The following MAST4 variants were observed in gnomAD, a reference collection of about 807,000 sequenced individuals.
MAST4 encodes microtubule-associated serine/threonine-protein kinase 4.
In MAST4, 89 loss-of-function variants were observed where a neutral mutation model predicts 162.7. The ratio of observed to expected loss-of-function variants is 0.55; its 90% CI spans 0.46 to 0.65. MAST4 has a LOEUF of 0.65. MAST4 is among the 30% of genes least tolerant of loss of function. The probability of loss-of-function intolerance (pLI) is 0.00; values close to 1 mark genes in which losing one functional copy is unlikely to be tolerated. For missense variants in MAST4, 3,153 were observed against 3,374.0 expected, an observed-to-expected ratio of 0.93 and a Z score of 1.62; for synonymous variants, 1,479 against 1,361.1, an observed-to-expected ratio of 1.09 and a Z score of -1.91.
chr5:66,905,693 A>G (rs1296963609), intron 4 of MAST4, among the ~76,000 whole-genome samples: 1 of 152,168 alleles, frequency 6.6e-6, no homozygotes, highest in Non-Finnish European at 1.5e-5. Flanking sequence ...TAAGACACCA[A>G]TTGATACATG....
chr5:66,819,975 T>C (rs1756917096), intron 3 of MAST4, among the ~76,000 whole-genome samples: 1 of 151,026 alleles, frequency 6.6e-6, no homozygotes, highest in Non-Finnish European at 1.5e-5. Flanking sequence ...TTTTTTTTTT[T>C]TTTTTGTAGA....
At chr5:67,127,066 T>G (rs930807494) in intron 14 of MAST4, among the ~76,000 whole-genome samples, 4 of 151,596 alleles carry the variant, frequency 2.6e-5, no homozygotes, top group African/African-American at 9.7e-5. Flanking sequence ...GTGTATAGGA[T>G]TTTTGCACAT....
At chr5:67,104,642 CT>C in intron 10 of MAST4, 67 bp downstream of exon 10, 2 of 1,286,584 alleles carry the variant, frequency 1.6e-6, no homozygotes, top group Non-Finnish European at 1.1e-6. Flanking sequence ...TTTTTTTTTG[CT>C]TACAAGTTAT....
intron 5 of MAST4, among the ~76,000 whole-genome samples, chr5:67,077,643 G>A (rs1350604357): frequency 6.6e-6 from 1 of 152,142 alleles, no homozygotes; most frequent in Non-Finnish European, 1.5e-5. Flanking sequence ...ACTTAAGTGT[G>A]TCTTGCTTAA....
chr5:66,884,579 C>T (rs759546791), intron 3 of MAST4, among the ~76,000 whole-genome samples: 11 of 152,146 alleles, frequency 7.2e-5, no homozygotes, highest in South Asian at 2.1e-4. Context: ...GTTTGATTAC[C>T]GCGTTATTGC....
chr5:67,067,495 A>G (rs1259803989), intron 5 of MAST4, among the ~76,000 whole-genome samples: 3 of 152,226 alleles, frequency 2.0e-5, no homozygotes, highest in African/African-American at 7.2e-5. Context: ...AGAAATTTGT[A>G]GCTAGAAATG....
intron 4 of MAST4, among the ~76,000 whole-genome samples, chr5:66,988,428 T>C (rs1051887594): frequency 1.3e-5 from 2 of 152,158 alleles, no homozygotes; most frequent in Non-Finnish European, 2.9e-5. Context: ...GGGAAGTGAG[T>C]GATTCTTCCA....
chr5:66,665,294 A>C (rs1205273141), intron 1 of MAST4, among the ~76,000 whole-genome samples: 1 of 152,126 alleles, frequency 6.6e-6, no homozygotes, highest in African/African-American at 2.4e-5. Flanking sequence ...CAGTGGAACA[A>C]GAGAGAGTGG....
intron 3 of MAST4, among the ~76,000 whole-genome samples, chr5:66,855,450 G>A (rs931502561): frequency 1.9e-4 from 29 of 152,270 alleles, no homozygotes; most frequent in African/African-American, 6.7e-4. Context: ...TAGAATCCAC[G>A]ATTAAGAAAA....
Position 66,788,954 on chromosome 5 carries a change from G to A in MAST4, c.642+160G>A, listed in dbSNP as rs547586468. Among the ~76,000 whole-genome samples the A allele has an allele frequency of 5.9e-5, 9 of 152,320 alleles. No homozygotes were observed. In the South Asian group the frequency reaches 1.9e-3, roughly 32 times the overall value. On this transcript the variant is annotated intron_variant, in intron 3 of 28. Transcript: ENST00000403625. ...CCTTGCTTTCAATGTGCTAATTTCTGCACCTGTACCCAGTTTGGAGGATTT... is the reference window on the plus strand; with the variant it reads ...CCTTGCTTTCAATGTGCTAATTTCTACACCTGTACCCAGTTTGGAGGATTT...
chr5:67,100,775 T>G (rs1764938742), intron 8 of MAST4, among the ~76,000 whole-genome samples, 183 bp downstream of exon 8: 2 of 152,216 alleles, frequency 1.3e-5, no homozygotes, highest in Admixed American at 6.5e-5. Flanking sequence ...ATCTTATAAG[T>G]TTCCTTTTCA....
chr5:66,686,458 A>G (rs1748665071), intron 1 of MAST4, among the ~76,000 whole-genome samples: 1 of 152,212 alleles, frequency 6.6e-6, no homozygotes, highest in Non-Finnish European at 1.5e-5. Context: ...TAAAAATGGG[A>G]TCAAAAAACT....
chr5:67,159,769 G>GT lies in MAST4; in HGVS notation c.3649-687_3649-686insT, dbSNP rs1452542260. On this transcript the variant is annotated intron_variant, in intron 26 of 28. Coordinates refer to ENST00000403625, the MANE Select transcript of MAST4 (RefSeq NM_001164664.2). ...GCCCCTTCCCAGGATTGAGAGAAAG[G>GT]ACACCGAAACTCACAGAAATTACCT... Among the ~76,000 whole-genome samples the GT allele has an allele frequency of 3.3e-5, 5 of 152,280 alleles. No homozygotes were observed. The East Asian group carries it at 5.8e-4, about 18-fold the overall frequency.
At chr5:66,788,117 T>G (rs564446962) in intron 2 of MAST4, among the ~76,000 whole-genome samples, 4 of 152,310 alleles carry the variant, frequency 2.6e-5, no homozygotes, top group African/African-American at 9.6e-5. Flanking sequence ...TTTATGCAAA[T>G]GGATATGATT....
intron 3 of MAST4, among the ~76,000 whole-genome samples, chr5:66,838,762 TGGTGGCTGAACAG>T (rs1176855624): frequency 6.6e-6 from 1 of 152,042 alleles, no homozygotes; most frequent in Non-Finnish European, 1.5e-5. Flanking sequence ...GTGCAAGGTG[TGGTGGCTGAACAG>T]GGTGCATCTT....
At chr5:66,822,221 G>A (rs1757027389) in intron 3 of MAST4, among the ~76,000 whole-genome samples, 1 of 152,162 alleles carries the variant, frequency 6.6e-6, no homozygotes, top group Non-Finnish European at 1.5e-5. Context: ...CAAGGCAGAT[G>A]TCAGAGTTGG....
In MAST4 at chr5:67,166,276, A is replaced by T. The variant is rs1163072992; in HGVS notation, c.7097A>T (p.Asp2366Val). The change falls in exon 29 of 29, where the codon GAC becomes GTC. Residue 2366 changes from aspartate (D) to valine (V), a missense_variant. Physicochemically the swap from Asp to Val is radical, Grantham distance 152. Around this residue, in one of 7 missense-constraint regions of MAST4, gnomAD observed 1,644 missense variants for 1,495.0 expected, o/e 1.10. Transcript: ENST00000403625. ...CCGAGTCAGCCGGCCGCCAACACCG[A>T]CAGAAGGGCGGAAGGGAAGAAATGC... ...KSPSQPAANT[D>V]RRAEGKKCTE... 1.9e-6 allele frequency: 3 copies of T among 1,557,036 alleles called. No homozygotes were observed. In the Admixed American group the frequency reaches 5.8e-5, roughly 30 times the overall value.
intron 26 of MAST4, among the ~76,000 whole-genome samples, chr5:67,154,542 CTCTGGCAAGGTCT>C (rs1772248881): frequency 6.6e-6 from 1 of 152,204 alleles, no homozygotes; most frequent in Non-Finnish European, 1.5e-5. Context: ...CCCTAGAGGA[CTCTGGCAAGGTCT>C]CTTAGCAGAC....
intron 3 of MAST4, among the ~76,000 whole-genome samples, chr5:66,795,750 A>G (rs1755616332): frequency 6.6e-6 from 1 of 152,182 alleles, no homozygotes; most frequent in African/African-American, 2.4e-5. Context: ...TACCAAACCA[A>G]CTGTTGGTAA....
Sources: gnomAD v4.1 joint callset for allele counts (sites outside exome capture counted in the v4.1 genomes callset) on GRCh38, gnomAD v4.1.1 for gene constraint, gnomAD v4.1.1 regional missense constraint, MANE v1.5 for transcripts, NCBI Gene and HGNC (gene_info 2026-07-23, HGNC 2026-07-21) for gene names.